VRK2: variants seen among roughly 807,000 people sequenced by gnomAD.
The protein encoded by VRK2 is VRK serine/threonine kinase 2.
VRK2 carries 60 observed loss-of-function variants against 57.6 expected under a neutral mutation model. That is an observed-to-expected ratio of 1.04 (90% CI 0.85 to 1.29). The LOEUF (loss-of-function observed/expected upper bound fraction) is 1.29, where lower values mean the gene tolerates loss of function less well. Ranked by LOEUF, VRK2 falls within the 50% of genes most tolerant of loss-of-function variation. The pLI is 0.00. For missense variants in VRK2, 705 were observed against 588.1 expected, an observed-to-expected ratio of 1.20 and a Z score of -2.06; for synonymous variants, 231 against 199.2, an observed-to-expected ratio of 1.16 and a Z score of -1.35.
intron 1 of VRK2, among the ~76,000 whole-genome samples, chr2:57,962,744 T>C (rs910510884): frequency 2.0e-5 from 3 of 152,242 alleles, no homozygotes; most frequent in Admixed American, 2.0e-4. Flanking sequence ...GGCAGAAATG[T>C]AAGAAAAAGA....
intron 12 of VRK2, among the ~76,000 whole-genome samples, chr2:58,152,065 C>G (rs1443775832): frequency 1.3e-5 from 2 of 151,692 alleles, no homozygotes; most frequent in Non-Finnish European, 3.0e-5. Context: ...TTAAAAAATT[C>G]TACTAACCAC....
At chr2:58,071,369 C>G (rs1469623154) in intron 2 of VRK2, among the ~76,000 whole-genome samples, 1 of 152,014 alleles carries the variant, frequency 6.6e-6, no homozygotes, top group Non-Finnish European at 1.5e-5. Context: ...TCTGTAAAAA[C>G]TCATTACCCT....
Position 58,159,636 on chromosome 2 carries a change from T to C in VRK2, c.1470T>C (p.Tyr490=), listed in dbSNP as rs757501573. ...AGACAAACGCAGATGTTTATTATTA[T>C]CGCATCATCATACCTGTCCTTTTGA... ...SEETNADVYY[Y]RIIIPVLLML... The change falls in exon 13 of 13, where the codon TAT becomes TAC. Residue 490 remains tyrosine, a synonymous_variant. Transcript: ENST00000340157. The C allele has an allele frequency of 8.1e-6, 13 of 1,613,700 alleles. No individual in the cohort carries two copies. Among genetic ancestry groups the C allele is most frequent in the Non-Finnish European group, 2.5e-6 (3 of 1,179,798 alleles).
At chr2:58,010,245 A>G (rs761602564) in intron 1 of VRK2, among the ~76,000 whole-genome samples, 1 of 152,124 alleles carries the variant, frequency 6.6e-6, no homozygotes, top group Non-Finnish European at 1.5e-5. Flanking sequence ...TCATTGCCTT[A>G]GTTAGCACAT....
At chr2:57,930,236 T>A (rs1670674914) in intron 1 of VRK2, among the ~76,000 whole-genome samples, 1 of 152,162 alleles carries the variant, frequency 6.6e-6, no homozygotes, top group Non-Finnish European at 1.5e-5. Flanking sequence ...GAACTCAGGT[T>A]CTAACTATTG....
intron 1 of VRK2, among the ~76,000 whole-genome samples, chr2:58,000,867 G>T (rs934926642): frequency 6.6e-6 from 1 of 152,210 alleles, no homozygotes; most frequent in Non-Finnish European, 1.5e-5. Flanking sequence ...TAGAAATTCA[G>T]AAGCTGGACT....
chr2:57,945,959 C>G (rs75333255), intron 1 of VRK2, among the ~76,000 whole-genome samples: 1 of 151,872 alleles, frequency 6.6e-6, no homozygotes, highest in Non-Finnish European at 1.5e-5. Flanking sequence ...CCAACTTAAC[C>G]GGAGCAAAAG....
chr2:58,080,826 GT>G (rs1670758591), intron 2 of VRK2, among the ~76,000 whole-genome samples: 1 of 151,740 alleles, frequency 6.6e-6, no homozygotes, highest in African/African-American at 2.4e-5. Flanking sequence ...GTGTATTTAA[GT>G]TTATTAAATT....
intron 12 of VRK2, among the ~76,000 whole-genome samples, chr2:58,149,637 TCATTCTTTCACCATTA>T (rs1213377199): frequency 6.6e-6 from 1 of 151,660 alleles, no homozygotes; most frequent in Non-Finnish European, 1.5e-5. Context: ...GGGAATGCAT[TCATTCTTTCACCATTA>T]AGTTAGCTGT....
chr2:58,095,219 G>A (rs1025481005), intron 7 of VRK2, among the ~76,000 whole-genome samples: 17 of 151,664 alleles, frequency 1.1e-4, no homozygotes, highest in Admixed American at 2.6e-4. Flanking sequence ...GCGTGAACCC[G>A]GGAGGCGGAG....
intron 11 of VRK2, 70 bp from the exon 12 acceptor site, chr2:58,146,246 A>T (rs1423629724): frequency 7.6e-7 from 1 of 1,316,988 alleles, no homozygotes; most frequent in Non-Finnish European, 1.0e-6. Context: ...AAGAATCTGG[A>T]CATATATGCA....
chr2:58,145,337 T>C (rs1209349675), intron 11 of VRK2, among the ~76,000 whole-genome samples: 3 of 151,992 alleles, frequency 2.0e-5, no homozygotes, highest in Admixed American at 6.6e-5. Context: ...TGAACTGTTA[T>C]TCATCTTGCT....
At chr2:57,978,036 C>T (rs1179910820) in intron 1 of VRK2, among the ~76,000 whole-genome samples, 1 of 151,156 alleles carries the variant, frequency 6.6e-6, no homozygotes, top group East Asian at 1.9e-4. Flanking sequence ...TTTGCATATG[C>T]TGAACTAAGC....
chr2:58,083,965 G>T, intron 2 of VRK2, 124 bp from the exon 3 acceptor site: 1 of 983,418 alleles, frequency 1.0e-6, no homozygotes, highest in East Asian at 2.6e-5. Flanking sequence ...TACCATAAAA[G>T]GTTGTTGGGA....
intron 3 of VRK2, 40 bp from the exon 4 acceptor site, chr2:58,084,841 T>A: frequency 7.7e-7 from 1 of 1,303,542 alleles, no homozygotes; most frequent in Non-Finnish European, 1.1e-6. Context: ...TCTTTGGGAT[T>A]ATTTTTTTCT....
intron 1 of VRK2, among the ~76,000 whole-genome samples, chr2:57,926,809 T>C (rs1159892295): frequency 1.3e-5 from 2 of 151,942 alleles, no homozygotes; most frequent in Non-Finnish European, 2.9e-5. Flanking sequence ...TTTCTATCCA[T>C]TCAGCCACTC....
chr2:58,013,858 C>CAAA (rs60604486), intron 1 of VRK2, among the ~76,000 whole-genome samples: 1,596 of 62,468 alleles, frequency 0.026, 179 homozygotes, highest in African/African-American at 0.08. Context: ...GACTCCGTCT[C>CAAA]AAAAAAAAAA....
At chr2:57,981,650 T>C (rs1395685570) in intron 1 of VRK2, among the ~76,000 whole-genome samples, 2 of 152,258 alleles carry the variant, frequency 1.3e-5, no homozygotes, top group African/African-American at 4.8e-5. Context: ...GCTTGCTTTC[T>C]CTCCATCTCT....
At chr2:57,966,426 G>C (rs934655021) in intron 1 of VRK2, among the ~76,000 whole-genome samples, 4 of 152,138 alleles carry the variant, frequency 2.6e-5, no homozygotes, top group African/African-American at 4.8e-5. Flanking sequence ...GTAATAAGCT[G>C]TTATGTTTTT....
Sources: gnomAD v4.1 joint callset for allele counts (sites outside exome capture counted in the v4.1 genomes callset) on GRCh38, gnomAD v4.1.1 for gene constraint, MANE v1.5 for transcripts, NCBI Gene and HGNC (gene_info 2026-07-23, HGNC 2026-07-21) for gene names.